LHFPL3: variants seen among roughly 807,000 people sequenced by gnomAD.
LHFPL3 encodes LHFPL tetraspan subfamily member 3 protein.
A neutral mutation model predicts 19.3 loss-of-function variants in LHFPL3; 5 were observed. The observed-to-expected ratio is 0.26, with a 90% CI of 0.14 to 0.54. The LOEUF is 0.54. Ranked by LOEUF, LHFPL3 falls within the 20% of genes least tolerant of loss-of-function variation. The pLI is 0.94. For synonymous variants in LHFPL3, 133 were observed against 126.2 expected (o/e 1.05, Z -0.36); for missense variants, 249 against 307.4 (o/e 0.81, Z 1.42).
At chr7:104,823,242 C>T (rs1446456965) in intron 2 of LHFPL3, among the ~76,000 whole-genome samples, 3 of 152,170 alleles carry the variant, frequency 2.0e-5, no homozygotes, top group East Asian at 3.8e-4. Flanking sequence ...CTTGATGTTG[C>T]AGGTATCTTT....
intron 1 of LHFPL3, among the ~76,000 whole-genome samples, chr7:104,381,762 A>G (rs558242873): frequency 6.6e-6 from 1 of 152,308 alleles, no homozygotes; most frequent in African/African-American, 2.4e-5. Flanking sequence ...CATTCTACCA[A>G]AAACACTGTT....
intron 1 of LHFPL3, among the ~76,000 whole-genome samples, chr7:104,535,875 G>A (rs968099582): frequency 6.6e-6 from 1 of 152,224 alleles, no homozygotes; most frequent in East Asian, 1.9e-4. Flanking sequence ...ACAGAAGAGA[G>A]AATAGTTACA....
chr7:104,332,379 G>A (rs989894638), intron 1 of LHFPL3, among the ~76,000 whole-genome samples: 10 of 151,588 alleles, frequency 6.6e-5, no homozygotes, highest in African/African-American at 2.4e-4. Context: ...ACAGGCGTGT[G>A]CCACCACACC....
chr7:104,395,623 G>A (rs527938146), intron 1 of LHFPL3, among the ~76,000 whole-genome samples: 6 of 152,106 alleles, frequency 3.9e-5, no homozygotes, highest in Non-Finnish European at 5.9e-5. Context: ...GTAATTGTGC[G>A]ACAGGTGGAA....
intron 1 of LHFPL3, among the ~76,000 whole-genome samples, chr7:104,611,799 T>A (rs769220041): frequency 3.9e-5 from 6 of 152,172 alleles, no homozygotes; most frequent in Non-Finnish European, 8.8e-5. Context: ...TAGTTACAAC[T>A]ATATGAACTA....
chr7:104,438,038 A>C (rs1306713356), intron 1 of LHFPL3, among the ~76,000 whole-genome samples: 3 of 152,184 alleles, frequency 2.0e-5, no homozygotes, highest in Non-Finnish European at 4.4e-5. Flanking sequence ...CCTTCCTGTC[A>C]CCCAAGAAAT....
At chr7:104,836,296 T>A (rs975076178) in intron 2 of LHFPL3, among the ~76,000 whole-genome samples, 5 of 152,062 alleles carry the variant, frequency 3.3e-5, no homozygotes, top group Non-Finnish European at 5.9e-5. Flanking sequence ...GAGCTTGGAT[T>A]TTACTCTAAC....
At position 104,845,240 on chromosome 7, in the gene LHFPL3, G is replaced by A. The variant is rs530829558; in HGVS notation, c.683-60947G>A. The A allele has an allele frequency of 8.7e-5, 58 of 663,870 alleles. 2 individuals are homozygous for A. In the South Asian group the frequency reaches 9.9e-4, roughly 11 times the overall value. 41.1% of individuals were successfully genotyped at this position (663,870 alleles called of 1,614,324 possible). A position where few individuals can be genotyped will look rare whatever the true frequency, so the allele number is the denominator to read the frequency against. On this transcript the variant is annotated intron_variant, in intron 2 of 2. Coordinates refer to ENST00000424859, the MANE Select transcript of LHFPL3 (RefSeq NM_199000.3). ...CAGGACTGTGATTTTCCTCAAGTAT[G>A]TGCAGAGAATCACCAAGTATGTCTC...
intron 1 of LHFPL3, among the ~76,000 whole-genome samples, chr7:104,614,669 T>TC (rs1791287838): frequency 1.1e-5 from 1 of 93,846 alleles, no homozygotes; most frequent in African/African-American, 3.6e-5. Context: ...CCTTCCTTCC[T>TC]TCCTTCCTTC....
chr7:104,466,683 C>T (rs1792791846), intron 1 of LHFPL3, among the ~76,000 whole-genome samples: 1 of 152,188 alleles, frequency 6.6e-6, no homozygotes, highest in African/African-American at 2.4e-5. Context: ...TGGGCCAAGA[C>T]TTTACAGATA....
rs908003934 is a variant in LHFPL3, at chr7:104,705,571, G to A, written c.446-31104G>A. On this transcript the variant is annotated intron_variant, in intron 1 of 2. Coordinates refer to ENST00000424859, the MANE Select transcript of LHFPL3 (RefSeq NM_199000.3). ...CCCAGGTCCAGTTCAGCTGTTCAGC[G>A]TTACCTTCTCTTGGATCTCTGATTC... Among the ~76,000 whole-genome samples, 5 of 152,148 alleles carry A rather than the reference G, an allele frequency of 3.3e-5. No individual in the cohort carries two copies. In the South Asian group the frequency reaches 6.2e-4, roughly 19 times the overall value.
intron 2 of LHFPL3, among the ~76,000 whole-genome samples, chr7:104,861,318 G>C (rs1194996061): frequency 2.0e-5 from 3 of 152,154 alleles, no homozygotes; most frequent in African/African-American, 7.2e-5. Context: ...ATATGACCTT[G>C]GGAAGTACAT....
intron 2 of LHFPL3, among the ~76,000 whole-genome samples, chr7:104,838,370 G>A (rs1040283446): frequency 5.9e-5 from 9 of 152,174 alleles, no homozygotes; most frequent in Middle Eastern, 3.2e-3. Flanking sequence ...ATTGAGAAGA[G>A]CTACCACTGT....
intron 2 of LHFPL3, among the ~76,000 whole-genome samples, chr7:104,859,121 G>T (rs1269723643): frequency 6.6e-6 from 1 of 151,568 alleles, no homozygotes; most frequent in African/African-American, 2.4e-5. Context: ...ACAAAAATTA[G>T]CCAGGCGTGT....
At chr7:104,406,206 G>A (rs1474420684) in intron 1 of LHFPL3, among the ~76,000 whole-genome samples, 2 of 152,174 alleles carry the variant, frequency 1.3e-5, no homozygotes, top group Non-Finnish European at 2.9e-5. Flanking sequence ...CCACGAATGA[G>A]GTGTAATTGT....
intron 1 of LHFPL3, among the ~76,000 whole-genome samples, chr7:104,593,404 C>T (rs1401471472): frequency 6.6e-6 from 1 of 152,102 alleles, no homozygotes; most frequent in East Asian, 1.9e-4. Context: ...GTCTGAGAGA[C>T]AGTTTGTTAT....
chr7:104,480,326 AC>A (rs34987136), intron 1 of LHFPL3, among the ~76,000 whole-genome samples: 2 of 151,770 alleles, frequency 1.3e-5, no homozygotes, highest in Admixed American at 1.3e-4. Flanking sequence ...CATAAATGAC[AC>A]CCCCCGTCCC....
intron 2 of LHFPL3, among the ~76,000 whole-genome samples, chr7:104,751,698 TG>T (rs1794176812): frequency 6.6e-6 from 1 of 151,988 alleles, no homozygotes; most frequent in South Asian, 2.1e-4. Context: ...TAAGGGGAGT[TG>T]GGTCCATACT....
At chr7:104,555,823 G>A (rs542551475) in intron 1 of LHFPL3, among the ~76,000 whole-genome samples, 17 of 152,292 alleles carry the variant, frequency 1.1e-4, no homozygotes, top group Admixed American at 7.8e-4. Context: ...CTATGAGCCT[G>A]TAAAATCAAA....
Sources: gnomAD v4.1 joint callset for allele counts (sites outside exome capture counted in the v4.1 genomes callset) on GRCh38, gnomAD v4.1.1 for gene constraint, MANE v1.5 for transcripts, NCBI Gene and HGNC (gene_info 2026-07-23, HGNC 2026-07-21) for gene names.